The following NALCN variants were observed in gnomAD, a reference collection of about 807,000 sequenced individuals.
NALCN encodes the protein sodium leak channel, non-selective.
NALCN carries 111 observed loss-of-function variants against 225.3 expected under a neutral mutation model. The observed-to-expected ratio is 0.49, with a 90% CI of 0.42 to 0.58. The LOEUF (loss-of-function observed/expected upper bound fraction) is 0.58. NALCN is among the 20% of genes least tolerant of loss of function. The pLI is 0.00. For missense variants in NALCN, 1,378 were observed against 2,202.4 expected, an observed-to-expected ratio of 0.63 and a Z score of 7.49; for synonymous variants, 764 against 769.0, an observed-to-expected ratio of 0.99 and a Z score of 0.11.
intron 39 of NALCN, among the ~76,000 whole-genome samples, chr13:101,067,250 TGAGGTGGAAGAGGAGGTGGACGAGGAG>T: frequency 1.0e-5 from 1 of 96,728 alleles, no homozygotes; most frequent in African/African-American, 4.4e-5. Flanking sequence ...GGGGGGAAGA[TGAGGTGGAAGAGGAGGTGGACGAGGAG>T]GAGGGGGAAG....
chr13:101,184,094 T>C (rs112603399), intron 14 of NALCN, among the ~76,000 whole-genome samples: 2 of 152,380 alleles, frequency 1.3e-5, no homozygotes, highest in African/African-American at 4.8e-5. Context: ...TGATACATTA[T>C]GAATCAGTGA....
chr13:101,312,588 A>G (rs2044387852), intron 7 of NALCN, among the ~76,000 whole-genome samples: 1 of 152,046 alleles, frequency 6.6e-6, no homozygotes, highest in Non-Finnish European at 1.5e-5. Flanking sequence ...TTCAAAGAAC[A>G]TCTTTATTTC....
intron 10 of NALCN, among the ~76,000 whole-genome samples, chr13:101,272,060 T>C (rs1170509260): frequency 1.3e-5 from 2 of 151,912 alleles, no homozygotes; most frequent in Admixed American, 1.3e-4. Flanking sequence ...TGCATGAGCA[T>C]GTATAAGTGT....
intron 34 of NALCN, among the ~76,000 whole-genome samples, chr13:101,077,515 G>A (rs2033337237): frequency 6.6e-6 from 1 of 152,132 alleles, no homozygotes; most frequent in Non-Finnish European, 1.5e-5. Context: ...GGGAACTAGG[G>A]CAAAGGTGAC....
intron 7 of NALCN, among the ~76,000 whole-genome samples, chr13:101,298,663 G>C (rs1020266627): frequency 5.3e-5 from 8 of 152,232 alleles, no homozygotes; most frequent in Non-Finnish European, 1.2e-4. Flanking sequence ...AATAGTTTAA[G>C]AGAGAACTTG....
intron 13 of NALCN, among the ~76,000 whole-genome samples, chr13:101,201,877 T>C (rs1228226023): frequency 1.3e-5 from 2 of 152,192 alleles, no homozygotes; most frequent in Non-Finnish European, 2.9e-5. Flanking sequence ...ATCTACTTGA[T>C]GATTTATATA....
At position 101,059,971 on chromosome 13, in the gene NALCN, T is replaced by A. The variant is rs762860462; in HGVS notation, c.4756-4A>T. 1 of 1,613,910 alleles carries A rather than the reference T, an allele frequency of 6.2e-7. No homozygotes were observed. Among genetic ancestry groups the A allele is most frequent in the East Asian group, 2.2e-5 (1 of 44,854 alleles). On this transcript the variant is annotated splice_polypyrimidine_tract_variant and splice_region_variant and intron_variant, in intron 41 of 43. Coordinates refer to ENST00000251127, the MANE Select transcript of NALCN (RefSeq NM_052867.4). The stretch of plus-strand genomic sequence containing the variant: ...TACTGCACGACTGCTGCTGTTTCTA[T>A]GGAAATGCGATTGTTTGTTCAGTAA...
chr13:101,166,868 T>C (rs961501966), intron 15 of NALCN, among the ~76,000 whole-genome samples: 5 of 152,226 alleles, frequency 3.3e-5, no homozygotes, highest in Non-Finnish European at 5.9e-5. Context: ...TTAAGGTCCT[T>C]AATCCATTTT....
At chr13:101,207,648 G>A (rs941025335) in intron 13 of NALCN, among the ~76,000 whole-genome samples, 2 of 152,124 alleles carry the variant, frequency 1.3e-5, no homozygotes, top group South Asian at 2.1e-4. Context: ...GCACCAATCA[G>A]CACTCTGTGT....
At chr13:101,299,065 G>T (rs899912150) in intron 7 of NALCN, among the ~76,000 whole-genome samples, 7 of 152,184 alleles carry the variant, frequency 4.6e-5, no homozygotes, top group African/African-American at 1.4e-4. Context: ...AAGGCTAAAA[G>T]CCTAGATCCT....
At chr13:101,299,544 C>A (rs756765337) in intron 7 of NALCN, among the ~76,000 whole-genome samples, 10 of 152,066 alleles carry the variant, frequency 6.6e-5, no homozygotes, top group Non-Finnish European at 1.3e-4. Context: ...CAGACTAATT[C>A]TTAATCCACG....
At chr13:101,335,056 T>A (rs2045333503) in intron 7 of NALCN, among the ~76,000 whole-genome samples, 2 of 152,342 alleles carry the variant, frequency 1.3e-5, no homozygotes, top group South Asian at 4.1e-4. Context: ...ATATTTCCAA[T>A]GAACACTGTC....
intron 42 of NALCN, among the ~76,000 whole-genome samples, chr13:101,059,458 T>C (rs1034541345): frequency 2.0e-5 from 3 of 152,176 alleles, no homozygotes; most frequent in African/African-American, 7.2e-5. Context: ...GGGCAGAGCT[T>C]CCTGTAAACC....
chr13:101,328,485 T>A (rs1439443465), intron 7 of NALCN, among the ~76,000 whole-genome samples: 1 of 152,092 alleles, frequency 6.6e-6, no homozygotes, highest in African/African-American at 2.4e-5. Context: ...CAAAGTACTG[T>A]ATATTTTTAA....
intron 13 of NALCN, among the ~76,000 whole-genome samples, chr13:101,212,504 G>GT (rs1163994862): frequency 6.6e-6 from 1 of 152,162 alleles, no homozygotes; most frequent in Non-Finnish European, 1.5e-5. Flanking sequence ...AAAGAGGGCA[G>GT]TGAGTACATT....
intron 13 of NALCN, among the ~76,000 whole-genome samples, chr13:101,198,693 G>A (rs1382385262): frequency 6.6e-6 from 1 of 152,128 alleles, no homozygotes; most frequent in African/African-American, 2.4e-5. Context: ...ACTGTTGGTG[G>A]GACTGCAAAC....
At chr13:101,394,510 T>C (rs566814023) in intron 3 of NALCN, among the ~76,000 whole-genome samples, 82 of 152,314 alleles carry the variant, frequency 5.4e-4, no homozygotes, top group African/African-American at 1.8e-3. Context: ...TTAAATACTC[T>C]AGGGACAGCA....
chr13:101,344,174 C>T (rs1465607267), intron 7 of NALCN, among the ~76,000 whole-genome samples: 1 of 152,126 alleles, frequency 6.6e-6, no homozygotes, highest in Non-Finnish European at 1.5e-5. Flanking sequence ...ATTCATGATG[C>T]CTCTGTACTT....
Position 101,143,345 on chromosome 13 carries a change from A to T in NALCN, c.1977-124T>A. ...GTGATAAAAGATCATAGAAAACTAG[A>T]TCATGACTAAAATATTTCATTAGCA... On this transcript the variant is annotated intron_variant, in intron 16 of 43. Coordinates refer to ENST00000251127, the MANE Select transcript of NALCN (RefSeq NM_052867.4). The T allele has an allele frequency of 5.3e-6, 5 of 938,398 alleles. No homozygotes were observed. The South Asian group carries it at 1.0e-4, about 19-fold the overall frequency. The allele number at this position is 938,398 out of a possible 1,614,324, so 58.1% of individuals were successfully genotyped here. A position where few individuals can be genotyped will look rare whatever the true frequency, so the allele number is the denominator to read the frequency against.
Sources: allele counts gnomAD v4.1 joint callset (sites outside exome capture counted in the v4.1 genomes callset), GRCh38; gene constraint gnomAD v4.1.1; transcripts MANE v1.5; gene names NCBI Gene and HGNC (gene_info 2026-07-23, HGNC 2026-07-21).